The following BMPR1B variants were observed in gnomAD, a reference collection of about 807,000 sequenced individuals.
BMPR1B encodes bone morphogenetic protein receptor type 1B.
Under a neutral mutation model 59.1 loss-of-function variants are expected in BMPR1B, and 12 were observed. The ratio of observed to expected loss-of-function variants is 0.20; its 90% confidence interval spans 0.13 to 0.33. The LOEUF is 0.33. Among genes scored for constraint, BMPR1B ranks in the 10% least tolerant of loss-of-function variants. The probability of loss-of-function intolerance (pLI) is 1.00; values close to 1 mark genes in which losing one functional copy is unlikely to be tolerated. For missense variants in BMPR1B, 550 were observed against 610.9 expected (o/e 0.90, Z 1.05); for synonymous variants, 237 against 207.3 (o/e 1.14, Z -1.23).
intron 2 of BMPR1B, among the ~76,000 whole-genome samples, chr4:94,933,928 A>G (rs889303753): frequency 2.6e-5 from 4 of 152,168 alleles, no homozygotes; most frequent in Admixed American, 6.6e-5. Flanking sequence ...TACACAGTAC[A>G]TAGGTATTCC....
intron 1 of BMPR1B, among the ~76,000 whole-genome samples, chr4:94,875,486 C>G (rs922571489): frequency 6.6e-6 from 1 of 152,138 alleles, no homozygotes; most frequent in Admixed American, 6.5e-5. Flanking sequence ...AGATTGAGAC[C>G]ATCCTGGCTA....
Position 95,026,122 on chromosome 4 carries a change from C to CTTTCTTTCTTTCTTTCTT in BMPR1B, c.-18+29990_-18+30007dup, listed in dbSNP as rs1553928485. On this transcript the variant is annotated intron_variant, in intron 3 of 12. Transcript: ENST00000515059. ...CATTTCTTTCTTTCTTTCTTTCTTTCTTTCTTTCTTTCTTTCTTTCTTTCT... is the reference window on the plus strand; with the variant it reads ...CATTTCTTTCTTTCTTTCTTTCTTTCTTTCTTTCTTTCTTTCTTTTTCTTTCTTTCTTTCTTTCTTTCT... 2.1e-3 allele frequency among the ~76,000 whole-genome samples: 298 copies of CTTTCTTTCTTTCTTTCTT among 144,460 alleles called. 1 individual carries two copies. The highest frequency in any genetic ancestry group is 7.2e-3 in the African/African-American group (270 of 37,682). The allele number at this position is 144,460 out of a possible 152,430, so 94.8% of individuals were successfully genotyped here.
intron 1 of BMPR1B, among the ~76,000 whole-genome samples, chr4:94,868,964 C>T (rs971785733): frequency 1.3e-5 from 2 of 152,118 alleles, no homozygotes; most frequent in African/African-American, 4.8e-5. Flanking sequence ...ATAGAGTCCT[C>T]ATTCAACAGT....
chr4:95,152,628 A>G lies in BMPR1B; in HGVS notation c.1253-15A>G. 3 of 1,518,444 alleles carry G rather than the reference A, an allele frequency of 2.0e-6. No homozygotes were observed. The highest frequency in any genetic ancestry group is 2.7e-6 in the Non-Finnish European group (3 of 1,122,478). 94.1% of individuals were successfully genotyped at this position (1,518,444 alleles called of 1,614,324 possible). ...AATAATAATAATAATAATAATAGTA[A>G]CAACATATTTTTAGGTATAGTGGAA... On this transcript the variant is annotated splice_polypyrimidine_tract_variant and intron_variant, in intron 11 of 12. Transcript: ENST00000515059.
At chr4:95,042,360 C>T (rs961510625) in intron 3 of BMPR1B, among the ~76,000 whole-genome samples, 5 of 152,094 alleles carry the variant, frequency 3.3e-5, no homozygotes, top group Admixed American at 6.5e-5. Flanking sequence ...TTGTAAGAGT[C>T]GCTGACACAG....
chr4:94,820,860 CAT>C (rs1724183514), intron 1 of BMPR1B, among the ~76,000 whole-genome samples: 1 of 152,192 alleles, frequency 6.6e-6, no homozygotes, highest in African/African-American at 2.4e-5. Context: ...AACCATATAA[CAT>C]ATGTTGCTAA....
intron 1 of BMPR1B, among the ~76,000 whole-genome samples, chr4:94,771,108 G>T (rs1284309979): frequency 6.6e-6 from 1 of 152,182 alleles, no homozygotes; most frequent in Non-Finnish European, 1.5e-5. Flanking sequence ...GTACATACAA[G>T]TAGCAGCAGG....
rs1003997318 is a variant in BMPR1B, at chr4:94,848,507, G to C, written c.-182-27324G>C. On this transcript the variant is annotated intron_variant, in intron 1 of 12. Coordinates refer to ENST00000515059, the MANE Select transcript of BMPR1B (RefSeq NM_001203.3). ...GACCAGCAACGAGGCCAGCATACTT[G>C]GAGTGGAATGATCTAAGAGGAAACT... is the stretch of plus-strand genomic sequence containing the variant. Among the ~76,000 whole-genome samples, 25 of 152,278 alleles carry C rather than the reference G, an allele frequency of 1.6e-4. 1 individual carries two copies. The highest frequency in any genetic ancestry group is 5.5e-4 in the African/African-American group (23 of 41,558).
intron 1 of BMPR1B, among the ~76,000 whole-genome samples, chr4:94,768,378 C>A (rs533646731): frequency 5.3e-5 from 8 of 150,798 alleles, no homozygotes; most frequent in African/African-American, 9.9e-5. Flanking sequence ...ACAACAACAA[C>A]AAAAAACCTC....
chr4:95,065,894 A>G (rs1727764018), intron 3 of BMPR1B, among the ~76,000 whole-genome samples: 1 of 152,166 alleles, frequency 6.6e-6, no homozygotes, highest in East Asian at 1.9e-4. Context: ...TTGTCATTTT[A>G]TTATTTAACT....
intron 2 of BMPR1B, among the ~76,000 whole-genome samples, chr4:94,892,066 A>G (rs1037799673): frequency 6.6e-6 from 1 of 152,092 alleles, no homozygotes. Flanking sequence ...CTCATGTCTC[A>G]TTTAGGGAAA....
chr4:94,900,327 A>G (rs925548466), intron 2 of BMPR1B, among the ~76,000 whole-genome samples: 18 of 141,212 alleles, frequency 1.3e-4, no homozygotes, highest in African/African-American at 3.6e-4. Context: ...AATAGAGGAT[A>G]AAGTGGCCAG....
rs1578723581 is a variant in BMPR1B, at chr4:94,854,419, T to TCA, written c.-182-21412_-182-21411insCA. 2.0e-5 allele frequency among the ~76,000 whole-genome samples: 3 copies of TCA among 152,270 alleles called. No homozygotes were observed. The East Asian group carries it at 5.8e-4, about 29-fold the overall frequency. On this transcript the variant is annotated intron_variant, in intron 1 of 12. Transcript: ENST00000515059. Reference sequence around the variant, plus strand: ...ATTTACAAATGAAGGCTGAAAAAGTTTTGTTGTATCAGTGACTCAGAAACA... The same window carrying TCA: ...ATTTACAAATGAAGGCTGAAAAAGTTCATTGTTGTATCAGTGACTCAGAAACA...
intron 2 of BMPR1B, among the ~76,000 whole-genome samples, chr4:94,978,136 T>A (rs1260484766): frequency 6.6e-6 from 1 of 152,224 alleles, no homozygotes; most frequent in Non-Finnish European, 1.5e-5. Context: ...CCAAGGCCAA[T>A]GCCACATGTT....
chr4:95,032,852 T>C (rs1026900008), intron 3 of BMPR1B, among the ~76,000 whole-genome samples: 6 of 152,154 alleles, frequency 3.9e-5, no homozygotes, highest in African/African-American at 7.2e-5. Context: ...GGCATACAAA[T>C]AGGTCTTTGA....
intron 2 of BMPR1B, among the ~76,000 whole-genome samples, chr4:94,950,601 G>T (rs1286432558): frequency 1.3e-5 from 2 of 152,128 alleles, no homozygotes; most frequent in Admixed American, 6.5e-5. Flanking sequence ...GATGGTTGTA[G>T]ATGTGTGGTG....
chr4:95,157,993 A>C lies in BMPR1B; in HGVS notation c.*3320A>C, dbSNP rs1233319070. 6.6e-6 allele frequency: 1 copy of C among 152,248 alleles called. No individual in the cohort carries two copies. Among genetic ancestry groups the C allele is most frequent in the African/African-American group, 2.4e-5 (1 of 41,466 alleles). The allele number at this position is 152,248 out of a possible 1,614,324, so 9.4% of individuals were successfully genotyped here. On this transcript the variant is annotated 3_prime_UTR_variant, in exon 13 of 13. Transcript: ENST00000515059. ...TAATGACTGAATTTCATGTTCCTACAGTCATACATATTCATTAGAAGTTTT... is the reference window on the plus strand; with the variant it reads ...TAATGACTGAATTTCATGTTCCTACCGTCATACATATTCATTAGAAGTTTT...
At chr4:95,039,557 T>TA (rs967311098) in intron 3 of BMPR1B, among the ~76,000 whole-genome samples, 4 of 152,050 alleles carry the variant, frequency 2.6e-5, no homozygotes, top group African/African-American at 4.8e-5. Flanking sequence ...CTATTTCTCA[T>TA]AAAAAACAAA....
At chr4:95,031,696 C>A (rs1724870452) in intron 3 of BMPR1B, among the ~76,000 whole-genome samples, 1 of 152,082 alleles carries the variant, frequency 6.6e-6, no homozygotes, top group Admixed American at 6.6e-5. Flanking sequence ...AAAACAACTC[C>A]TTGATTCACC....
Sources: gnomAD v4.1 joint callset for allele counts (sites outside exome capture counted in the v4.1 genomes callset) on GRCh38, gnomAD v4.1.1 for gene constraint, MANE v1.5 for transcripts, NCBI Gene and HGNC (gene_info 2026-07-23, HGNC 2026-07-21) for gene names.